Variants in NELL2 observed in about 807,000 individuals in gnomAD.
The protein encoded by NELL2 is neural EGFL like 2.
In NELL2, 41 loss-of-function variants were observed where a neutral mutation model predicts 109.6. That is an observed-to-expected ratio of 0.37 (90% CI 0.29 to 0.49). NELL2 has a LOEUF of 0.49. Ranked by LOEUF, NELL2 falls within the 20% of genes least tolerant of loss-of-function variation. The pLI is 0.98. For missense variants in NELL2, 900 were observed against 1,008.3 expected, an observed-to-expected ratio of 0.89 and a Z score of 1.45; for synonymous variants, 355 against 344.7, an observed-to-expected ratio of 1.03 and a Z score of -0.33.
intron 1 of NELL2, among the ~76,000 whole-genome samples, chr12:44,891,474 C>G (rs1045869065): frequency 4.6e-5 from 7 of 152,206 alleles, no homozygotes; most frequent in African/African-American, 1.7e-4. Context: ...ACTGCTGGAG[C>G]TCGGACCCAA....
intron 12 of NELL2, among the ~76,000 whole-genome samples, chr12:44,694,282 A>C (rs1451702426): frequency 6.6e-6 from 1 of 152,128 alleles, no homozygotes; most frequent in Non-Finnish European, 1.5e-5. Flanking sequence ...GGGAAATTTC[A>C]TCTGCCTGAG....
At chr12:44,745,577 C>T (rs368370952) in intron 9 of NELL2, among the ~76,000 whole-genome samples, 34 of 152,222 alleles carry the variant, frequency 2.2e-4, no homozygotes, top group African/African-American at 7.0e-4. Flanking sequence ...AAAATCTCCT[C>T]AAGCTGATAA....
intron 13 of NELL2, among the ~76,000 whole-genome samples, chr12:44,652,221 T>A (rs560470531): frequency 6.6e-6 from 1 of 152,214 alleles, no homozygotes; most frequent in African/African-American, 2.4e-5. Context: ...AAATCTACAT[T>A]TTTTATAGTT....
chr12:44,671,778 C>T (rs1592306836), intron 12 of NELL2, among the ~76,000 whole-genome samples: 1 of 152,268 alleles, frequency 6.6e-6, no homozygotes, highest in East Asian at 1.9e-4. Context: ...AATAAAAAGT[C>T]TCCCAACAGA....
intron 3 of NELL2, among the ~76,000 whole-genome samples, chr12:44,801,952 T>A (rs546995102): frequency 3.6e-5 from 5 of 139,970 alleles, no homozygotes; most frequent in African/African-American, 1.0e-4. Flanking sequence ...CTCATCACTT[T>A]GTCATTTTCT....
intron 9 of NELL2, among the ~76,000 whole-genome samples, chr12:44,745,514 C>T (rs1451651557): frequency 3.3e-5 from 5 of 152,096 alleles, no homozygotes; most frequent in Admixed American, 2.6e-4. Context: ...TCAAATTGTC[C>T]CTGTTTGCAG....
At chr12:44,630,410 T>C (rs1040689491) in intron 13 of NELL2, among the ~76,000 whole-genome samples, 12 of 152,186 alleles carry the variant, frequency 7.9e-5, no homozygotes, top group African/African-American at 2.9e-4. Context: ...GAGACTAAAT[T>C]CTTAAATGTT....
At chr12:44,511,291 G>T (rs532216646) in intron 19 of NELL2, among the ~76,000 whole-genome samples, 1 of 152,200 alleles carries the variant, frequency 6.6e-6, no homozygotes, top group Admixed American at 6.5e-5. Context: ...TCTTATATAA[G>T]ACTAACCCTC....
intron 15 of NELL2, 109 bp downstream of exon 15, chr12:44,607,060 C>T: frequency 2.3e-6 from 2 of 888,666 alleles, no homozygotes; most frequent in Non-Finnish European, 3.4e-6. Context: ...TTATTAATAG[C>T]TCCATGCTTT....
At chr12:44,667,329 T>A (rs79845331) in intron 12 of NELL2, among the ~76,000 whole-genome samples, 4,246 of 152,248 alleles carry the variant, frequency 0.028, 169 homozygotes, top group African/African-American at 0.092. Flanking sequence ...ATGATTTTTT[T>A]AAAAAAATCT....
chr12:44,851,851 T>C (rs1300817282), intron 2 of NELL2: 1 of 152,206 alleles, frequency 6.6e-6, no homozygotes, highest in African/African-American at 2.4e-5. Context: ...CATCACATAC[T>C]GACAGCTGAA....
chr12:44,917,773 C>T (rs901760539), upstream of NELL2, among the ~76,000 whole-genome samples: 2 of 152,138 alleles, frequency 1.3e-5, no homozygotes, highest in Non-Finnish European at 1.5e-5. Context: ...AGAGACTGTC[C>T]TGTGGGCTAG....
intron 11 of NELL2, among the ~76,000 whole-genome samples, chr12:44,704,914 G>C (rs1937777193): frequency 6.6e-6 from 1 of 151,598 alleles, no homozygotes; most frequent in Non-Finnish European, 1.5e-5. Flanking sequence ...AGTTACTCTG[G>C]AGGCTGAGGC....
chr12:44,616,859 G>A (rs1473683377), intron 13 of NELL2, among the ~76,000 whole-genome samples: 1 of 152,126 alleles, frequency 6.6e-6, no homozygotes, highest in Non-Finnish European at 1.5e-5. Context: ...AAAAAGAATG[G>A]CAACAACTGT....
intron 2 of NELL2, among the ~76,000 whole-genome samples, chr12:44,833,653 T>C (rs10785537): frequency 0.85 from 129,103 of 152,174 alleles, 54,964 homozygotes; most frequent in Middle Eastern, 0.95. Flanking sequence ...AATGTGCCTA[T>C]CTTGCTGTGT....
upstream of NELL2, among the ~76,000 whole-genome samples, chr12:44,879,316 T>C (rs73281090): frequency 0.023 from 3,532 of 152,270 alleles, 135 homozygotes; most frequent in African/African-American, 0.08. Context: ...AAATTTGTGT[T>C]GTTTTAATCC....
At chr12:44,704,640 A>AT (rs1937755425) in intron 11 of NELL2, among the ~76,000 whole-genome samples, 1 of 152,224 alleles carries the variant, frequency 6.6e-6, no homozygotes, top group Non-Finnish European at 1.5e-5. Context: ...ATAATTATAT[A>AT]TAATTCAACC....
chr12:44,757,462 C>T (rs1454094707), intron 9 of NELL2, among the ~76,000 whole-genome samples: 3 of 152,102 alleles, frequency 2.0e-5, no homozygotes. Context: ...CTGGTCACTG[C>T]TTCTCTCCCC....
intron 15 of NELL2, among the ~76,000 whole-genome samples, chr12:44,533,407 G>A (rs754024038): frequency 6.6e-6 from 1 of 151,672 alleles, no homozygotes; most frequent in Non-Finnish European, 1.5e-5. Context: ...ATACTACTTC[G>A]TTCAACCCTC....
Sources: gnomAD v4.1 joint callset for allele counts (sites outside exome capture counted in the v4.1 genomes callset) on GRCh38, gnomAD v4.1.1 for gene constraint, MANE v1.5 for transcripts, NCBI Gene and HGNC (gene_info 2026-07-23, HGNC 2026-07-21) for gene names.